The following CHN1 variants were observed in gnomAD, a reference collection of about 807,000 sequenced individuals.
CHN1 encodes N-chimaerin.
Under a neutral mutation model 59.5 loss-of-function variants are expected in CHN1, and 37 were observed. That is an observed-to-expected ratio of 0.62 (90% confidence interval 0.48 to 0.82). CHN1 has a LOEUF of 0.82. Ranked by LOEUF, CHN1 falls within the 40% of genes least tolerant of loss-of-function variation. The probability of loss-of-function intolerance (pLI) is 0.00; values close to 1 mark genes in which losing one functional copy is unlikely to be tolerated. For synonymous variants in CHN1, 206 were observed against 200.4 expected, an observed-to-expected ratio of 1.03 and a Z score of -0.24; for missense variants, 469 against 571.0, an observed-to-expected ratio of 0.82 and a Z score of 1.82.
At chr2:174,916,647 T>A (rs1443195610) in intron 4 of CHN1, among the ~76,000 whole-genome samples, 1 of 152,168 alleles carries the variant, frequency 6.6e-6, no homozygotes, top group Non-Finnish European at 1.5e-5. Flanking sequence ...TCTCTCAATT[T>A]AACTCTTCAA....
At chr2:174,920,071 C>T (rs1246083144) in intron 3 of CHN1, among the ~76,000 whole-genome samples, 1 of 152,130 alleles carries the variant, frequency 6.6e-6, no homozygotes, top group African/African-American at 2.4e-5. Context: ...CTTTGTTTCA[C>T]TTAACATAAG....
At chr2:174,879,624 C>T (rs986075128) in intron 5 of CHN1, among the ~76,000 whole-genome samples, 13 of 152,280 alleles carry the variant, frequency 8.5e-5, no homozygotes, top group Middle Eastern at 3.4e-3. Flanking sequence ...TAATATACTG[C>T]TTTCATCATT....
At chr2:174,910,899 C>CAAAAAAAAAAAAAAAAAAAAAAAAAAAAA (rs10568066) in intron 5 of CHN1, among the ~76,000 whole-genome samples, 1 of 76,638 alleles carries the variant, frequency 1.3e-5, no homozygotes, top group African/African-American at 5.0e-5. Context: ...GACTCCGTCT[C>CAAAAAAAAAAAAAAAAAAAAAAAAAAAAA]AAAAAAAAAA....
intron 3 of CHN1, among the ~76,000 whole-genome samples, chr2:174,935,420 G>A (rs746116977): frequency 6.6e-6 from 1 of 152,168 alleles, no homozygotes; most frequent in African/African-American, 2.4e-5. Context: ...CACACATTTT[G>A]TAAGCCATAT....
chr2:174,859,514 G>A (rs1189166255), intron 6 of CHN1, among the ~76,000 whole-genome samples: 2 of 152,086 alleles, frequency 1.3e-5, no homozygotes. Flanking sequence ...GTAGTCTTCT[G>A]CCAACCCGGC....
intron 1 of CHN1, among the ~76,000 whole-genome samples, chr2:174,986,038 T>C (rs1691328300): frequency 6.6e-6 from 1 of 152,176 alleles, no homozygotes; most frequent in African/African-American, 2.4e-5. Context: ...CAAACATCCA[T>C]AACTATAATA....
At position 174,909,454 on chromosome 2, in the gene CHN1, G is replaced by C. The variant is rs1229825150; in HGVS notation, c.260+5604C>G. ...CCGAGATGTTACTGGTCCAAGAATGGGAAAGGCAGACTCATGTTAGCCCTA... is the reference window on the plus strand; with the variant it reads ...CCGAGATGTTACTGGTCCAAGAATGCGAAAGGCAGACTCATGTTAGCCCTA... On this transcript the variant is annotated intron_variant, in intron 5 of 12. Transcript: ENST00000409900. 2.0e-5 allele frequency among the ~76,000 whole-genome samples: 3 copies of C among 152,206 alleles called. No individual in the cohort carries two copies. The East Asian group carries it at 5.8e-4, about 29-fold the overall frequency.
chr2:174,817,859 G>A (rs188043949), intron 8 of CHN1, among the ~76,000 whole-genome samples: 1 of 152,152 alleles, frequency 6.6e-6, no homozygotes, highest in Non-Finnish European at 1.5e-5. Context: ...GGATGGTCTC[G>A]ATCTCCTGAC....
intron 5 of CHN1, 83 bp from the exon 6 acceptor site, chr2:174,878,211 A>T: frequency 7.8e-7 from 1 of 1,284,664 alleles, no homozygotes; most frequent in East Asian, 2.5e-5. Context: ...AACAAAAAAA[A>T]ACTATCGCTT....
chr2:174,884,296 G>C (rs1198950591), intron 5 of CHN1, among the ~76,000 whole-genome samples: 2 of 151,876 alleles, frequency 1.3e-5, no homozygotes, highest in African/African-American at 2.4e-5. Context: ...TATAGAAAGA[G>C]AGAAGAGACA....
intron 3 of CHN1, among the ~76,000 whole-genome samples, chr2:174,927,062 C>T (rs1325643485): frequency 6.6e-6 from 1 of 152,048 alleles, no homozygotes; most frequent in Non-Finnish European, 1.5e-5. Flanking sequence ...CCGGCCTACC[C>T]ACACCTTTTT....
intron 6 of CHN1, 63 bp downstream of exon 6, chr2:174,877,777 T>C: frequency 2.7e-6 from 4 of 1,469,272 alleles, no homozygotes; most frequent in Non-Finnish European, 3.7e-6. Flanking sequence ...CTTCTGGCAA[T>C]AATGGCTTTC....
intron 3 of CHN1, 85 bp downstream of exon 3, chr2:174,944,803 A>G (rs1689777435): frequency 3.3e-6 from 3 of 916,354 alleles, no homozygotes; most frequent in South Asian, 3.2e-5. Flanking sequence ...TTAATCTCAC[A>G]AACAACCAAG....
intron 5 of CHN1, among the ~76,000 whole-genome samples, chr2:174,888,696 G>A (rs934245771): frequency 2.0e-5 from 3 of 152,214 alleles, no homozygotes; most frequent in Non-Finnish European, 4.4e-5. Flanking sequence ...TCCCCAAGCT[G>A]CACAGCTAAG....
chr2:175,005,286 G>C lies in CHN1; in HGVS notation c.-374C>G. ...ACTGGCGGCGGCGGCGGCGGCGACG[G>C]GGAGAGCAGCAGCAGCCTCGCACAG... On this transcript the variant is annotated 5_prime_UTR_variant, in exon 1 of 13. Transcript: ENST00000409900. 1.7e-6 allele frequency: 2 copies of C among 1,187,022 alleles called. No individual in the cohort carries two copies. Among genetic ancestry groups the C allele is most frequent in the Non-Finnish European group, 2.1e-6 (2 of 947,640 alleles). 73.5% of individuals were successfully genotyped at this position (1,187,022 alleles called of 1,614,324 possible).
intron 6 of CHN1, among the ~76,000 whole-genome samples, chr2:174,866,381 C>T (rs1392744841): frequency 6.6e-6 from 1 of 151,906 alleles, no homozygotes; most frequent in African/African-American, 2.4e-5. Flanking sequence ...TGTATAAAAT[C>T]AAAAGTGATG....
At chr2:174,992,292 T>C (rs1691568362) in intron 1 of CHN1, among the ~76,000 whole-genome samples, 1 of 152,220 alleles carries the variant, frequency 6.6e-6, no homozygotes, top group African/African-American at 2.4e-5. Context: ...GTGGAGTGTA[T>C]GGAAGGGCAG....
chr2:174,877,494 C>T (rs1351101440), intron 6 of CHN1, among the ~76,000 whole-genome samples: 1 of 151,930 alleles, frequency 6.6e-6, no homozygotes, highest in East Asian at 1.9e-4. Context: ...ATAATGCAAC[C>T]CCCTCAATTA....
intron 6 of CHN1, among the ~76,000 whole-genome samples, chr2:174,875,257 T>C (rs754758496): frequency 1.3e-5 from 2 of 152,234 alleles, no homozygotes; most frequent in African/African-American, 4.8e-5. Context: ...ATTAAAATCC[T>C]GTATAATTAT....
Sources: gnomAD v4.1 joint callset for allele counts (sites outside exome capture counted in the v4.1 genomes callset) on GRCh38, gnomAD v4.1.1 for gene constraint, MANE v1.5 for transcripts, NCBI Gene and HGNC (gene_info 2026-07-23, HGNC 2026-07-21) for gene names.